Variants in MCTP1 observed in about 807,000 individuals in gnomAD.
MCTP1 encodes the protein multiple C2 and transmembrane domain containing 1.
MCTP1 carries 69 observed loss-of-function variants against 120.6 expected under a neutral mutation model. The observed-to-expected ratio is 0.57, with a 90% CI of 0.47 to 0.70. MCTP1 has a LOEUF of 0.70. Among genes scored for constraint, MCTP1 ranks in the 30% least tolerant of loss-of-function variants. The pLI is 0.00. For synonymous variants in MCTP1, 529 were observed against 493.1 expected (o/e 1.07, Z -0.96); for missense variants, 1,203 against 1,248.8 (o/e 0.96, Z 0.55).
At chr5:95,024,553 A>G (rs578145394) in intron 1 of MCTP1, among the ~76,000 whole-genome samples, 17 of 152,092 alleles carry the variant, frequency 1.1e-4, no homozygotes, top group Non-Finnish European at 2.1e-4. Flanking sequence ...CAGAAACAAG[A>G]CAAGGATACC....
chr5:95,011,147 T>C (rs1835854246), intron 2 of MCTP1, among the ~76,000 whole-genome samples: 1 of 152,130 alleles, frequency 6.6e-6, no homozygotes, highest in Non-Finnish European at 1.5e-5. Flanking sequence ...TTGTAATTCT[T>C]ACACAGCTCA....
chr5:94,829,202 C>T (rs916267093), intron 17 of MCTP1, among the ~76,000 whole-genome samples: 4 of 152,188 alleles, frequency 2.6e-5, no homozygotes, highest in African/African-American at 9.7e-5. Flanking sequence ...TCCCTCATGG[C>T]TTCCCTTGAC....
At chr5:94,756,062 C>T (rs1769773813) in intron 19 of MCTP1, among the ~76,000 whole-genome samples, 2 of 152,154 alleles carry the variant, frequency 1.3e-5, no homozygotes. Context: ...ATGATTATAA[C>T]AATAACAATA....
Position 94,837,495 on chromosome 5 carries a change from C to A in MCTP1, c.2436+30838G>T, listed in dbSNP as rs144658158. On this transcript the variant is annotated intron_variant, in intron 17 of 22. Transcript: ENST00000515393. The stretch of plus-strand genomic sequence containing the variant: ...AGACAAATTACTTCACTCCTCTGCC[C>A]CTTGGTCTCTTGATCTGTAAAGTGA... Among the ~76,000 whole-genome samples the A allele has an allele frequency of 2.0e-3, 312 of 152,240 alleles. 1 individual carries two copies. The highest frequency in any genetic ancestry group is 7.3e-3 in the African/African-American group (303 of 41,528).
intron 1 of MCTP1, among the ~76,000 whole-genome samples, chr5:95,153,712 T>C (rs1381358883): frequency 1.3e-5 from 2 of 152,172 alleles, no homozygotes; most frequent in African/African-American, 4.8e-5. Context: ...TAAATCTGTT[T>C]TGTGGTGCTG....
At chr5:95,022,961 A>AACC (rs2153678807) in intron 1 of MCTP1, among the ~76,000 whole-genome samples, 1 of 152,278 alleles carries the variant, frequency 6.6e-6, no homozygotes, top group African/African-American at 2.4e-5. Flanking sequence ...GGGTCTGAAA[A>AACC]TATGTGCAGG....
intron 19 of MCTP1, among the ~76,000 whole-genome samples, chr5:94,754,534 C>G (rs917865635): frequency 1.3e-5 from 2 of 152,198 alleles, no homozygotes; most frequent in Non-Finnish European, 2.9e-5. Context: ...TCTTTGACAT[C>G]TTCTTTTTCT....
intron 1 of MCTP1, among the ~76,000 whole-genome samples, chr5:95,077,814 G>A (rs749258693): frequency 6.6e-5 from 10 of 152,276 alleles, no homozygotes; most frequent in Non-Finnish European, 1.0e-4. Context: ...GAAATAGGAG[G>A]AAAGGCTTGT....
At chr5:94,831,673 A>G (rs1000374321) in intron 17 of MCTP1, among the ~76,000 whole-genome samples, 3 of 152,208 alleles carry the variant, frequency 2.0e-5, no homozygotes, top group African/African-American at 7.2e-5. Context: ...TCCTTTGTGT[A>G]ATGAAATTTG....
chr5:95,184,329 C>A (rs1049975978), intron 1 of MCTP1, among the ~76,000 whole-genome samples: 1 of 152,106 alleles, frequency 6.6e-6, no homozygotes, highest in African/African-American at 2.4e-5. Flanking sequence ...TCAAAAAGTT[C>A]TCCAAAGAAA....
chr5:95,051,271 C>G (rs1745835745), intron 1 of MCTP1, among the ~76,000 whole-genome samples: 1 of 152,172 alleles, frequency 6.6e-6, no homozygotes, highest in South Asian at 2.1e-4. Flanking sequence ...CCTTGTACCC[C>G]AGTCTTAGCC....
In MCTP1 at chr5:94,708,514, C is replaced by T. The variant is rs768051059; in HGVS notation, c.2926G>A (p.Val976Met). 6 of 1,579,726 alleles carry T rather than the reference C, an allele frequency of 3.8e-6. No individual in the cohort carries two copies. Among genetic ancestry groups the T allele is most frequent in the Admixed American group, 3.4e-5 (2 of 59,698 alleles). ...TAATAATAACGAAACCTACATACCA[C>T]TTGTACATCTGAAGGGACTCTGGAA... is the stretch of plus-strand genomic sequence containing the variant. ...FLSRVPSDVQ[V>M]VQYQELKPDP... The change falls in exon 22 of 23, where the codon GTG becomes ATG. Residue 976 changes from valine to methionine, a missense_variant and splice_region_variant. This residue lies in a region of MCTP1 where 740 missense variants were observed against 871.1 expected (regional missense o/e 0.85). Coordinates refer to ENST00000515393, the MANE Select transcript of MCTP1 (RefSeq NM_024717.7).
At chr5:95,081,358 A>C in intron 1 of MCTP1, 1 of 1,409,172 alleles carries the variant, frequency 7.1e-7, no homozygotes. Context: ...AGGAACAATC[A>C]TATACCTAAA....
intron 1 of MCTP1, among the ~76,000 whole-genome samples, chr5:95,272,945 C>T (rs1759525348): frequency 1.3e-5 from 2 of 152,342 alleles, no homozygotes; most frequent in South Asian, 4.1e-4. Flanking sequence ...CAATCACAGC[C>T]AAACCCCATT....
At chr5:94,980,224 CAGCAA>C (rs1230801050) in intron 2 of MCTP1, among the ~76,000 whole-genome samples, 1 of 152,120 alleles carries the variant, frequency 6.6e-6, no homozygotes, top group South Asian at 2.1e-4. Context: ...TTAACAACAG[CAGCAA>C]AGCAAAACAA....
Position 94,820,346 on chromosome 5 carries a change from T to C in MCTP1, c.2437-21214A>G, listed in dbSNP as rs1288303162. Among the ~76,000 whole-genome samples, 4 of 152,224 alleles carry C rather than the reference T, an allele frequency of 2.6e-5. No homozygotes were observed. In the South Asian group the frequency reaches 8.3e-4, roughly 31 times the overall value. ...CTTATCACCAAAGCATAGCAAGTTT[T>C]GGCGAAGGACTCACAGGAAGTTATA... On this transcript the variant is annotated intron_variant, in intron 17 of 22. Coordinates refer to ENST00000515393, the MANE Select transcript of MCTP1 (RefSeq NM_024717.7).
chr5:95,014,028 A>G (rs907997182), intron 2 of MCTP1, among the ~76,000 whole-genome samples: 4 of 151,944 alleles, frequency 2.6e-5, no homozygotes, highest in Non-Finnish European at 4.4e-5. Flanking sequence ...TGGGAGTCCA[A>G]AGGGGGAAGA....
chr5:94,783,918 T>A (rs939176786), intron 18 of MCTP1, among the ~76,000 whole-genome samples: 13 of 152,108 alleles, frequency 8.5e-5, no homozygotes, highest in African/African-American at 3.1e-4. Flanking sequence ...GTTTCTTTCG[T>A]GTGTTTACTT....
At chr5:94,722,011 A>AAAT (rs1761036996) in intron 19 of MCTP1, among the ~76,000 whole-genome samples, 1 of 152,154 alleles carries the variant, frequency 6.6e-6, no homozygotes, top group Non-Finnish European at 1.5e-5. Flanking sequence ...ACTAGGTTTT[A>AAAT]AATAGTCCCT....
Sources: gnomAD v4.1 joint callset for allele counts (sites outside exome capture counted in the v4.1 genomes callset) on GRCh38, gnomAD v4.1.1 for gene constraint, gnomAD v4.1.1 regional missense constraint, MANE v1.5 for transcripts, NCBI Gene and HGNC (gene_info 2026-07-23, HGNC 2026-07-21) for gene names.